The following BMERB1 variants were observed in gnomAD, a reference collection of about 807,000 sequenced individuals.
The protein encoded by BMERB1 is bMERB domain containing 1, also known as bMERB domain-containing protein 1.
A neutral mutation model predicts 23.6 loss-of-function variants in BMERB1; 12 were observed. The observed-to-expected ratio is 0.51, with a 90% CI of 0.33 to 0.82. BMERB1 has a LOEUF of 0.82. BMERB1 is among the 40% of genes least tolerant of loss of function. The pLI is 0.03. For synonymous variants in BMERB1, 122 were observed against 96.6 expected, an observed-to-expected ratio of 1.26 and a Z score of -1.54; for missense variants, 247 against 255.4, an observed-to-expected ratio of 0.97 and a Z score of 0.22.
At chr16:15,565,776 C>T (rs888516115) in intron 2 of BMERB1, among the ~76,000 whole-genome samples, 3 of 152,212 alleles carry the variant, frequency 2.0e-5, no homozygotes, top group Non-Finnish European at 2.9e-5. Flanking sequence ...GGGAAGATCA[C>T]TTGAGCCCAG....
At chr16:15,502,388 C>T (rs1172599789) in intron 1 of BMERB1, 2 of 1,545,318 alleles carry the variant, frequency 1.3e-6, no homozygotes, top group East Asian at 2.4e-5. Context: ...TATGATCGCT[C>T]TTGGGGGCCC....
chr16:15,490,313 A>C (rs946300652), intron 1 of BMERB1, among the ~76,000 whole-genome samples: 1 of 152,116 alleles, frequency 6.6e-6, no homozygotes, highest in Non-Finnish European at 1.5e-5. Flanking sequence ...TGGAGACAGG[A>C]TCTCTGTCAC....
intron 2 of BMERB1, among the ~76,000 whole-genome samples, chr16:15,538,305 TA>T (rs1392810137): frequency 1.3e-5 from 2 of 151,918 alleles, no homozygotes; most frequent in African/African-American, 4.8e-5. Flanking sequence ...ATACAAAAAT[TA>T]ACTGGGCATG....
At chr16:15,580,709 G>A (rs1255050969) in intron 3 of BMERB1, among the ~76,000 whole-genome samples, 2 of 151,624 alleles carry the variant, frequency 1.3e-5, no homozygotes, top group East Asian at 3.9e-4. Context: ...CACCACACCC[G>A]GCGAATTTTT....
At chr16:15,458,023 C>T (rs556371718) in intron 1 of BMERB1, among the ~76,000 whole-genome samples, 6 of 152,186 alleles carry the variant, frequency 3.9e-5, no homozygotes, top group Admixed American at 6.5e-5. Context: ...ATAGGGAAAA[C>T]CACCTCCATG....
intron 1 of BMERB1, among the ~76,000 whole-genome samples, chr16:15,506,587 C>G (rs1313399669): frequency 2.0e-5 from 3 of 152,086 alleles, no homozygotes; most frequent in African/African-American, 7.2e-5. Context: ...TACCAGATCA[C>G]TATATGTGGA....
At chr16:15,532,016 G>T (rs546315019) in intron 2 of BMERB1, among the ~76,000 whole-genome samples, 2 of 152,272 alleles carry the variant, frequency 1.3e-5, no homozygotes, top group African/African-American at 4.8e-5. Context: ...ACCCCCTTAA[G>T]GCAATATCCT....
intron 2 of BMERB1, among the ~76,000 whole-genome samples, chr16:15,527,325 C>T (rs1369335873): frequency 1.3e-5 from 2 of 152,242 alleles, no homozygotes; most frequent in African/African-American, 4.8e-5. Flanking sequence ...AGGAATCAGG[C>T]CAGGCGCTGT....
intron 2 of BMERB1, among the ~76,000 whole-genome samples, chr16:15,523,095 C>A (rs1239819624): frequency 6.6e-6 from 1 of 151,808 alleles, no homozygotes; most frequent in Non-Finnish European, 1.5e-5. Flanking sequence ...GGGAAGGTTT[C>A]CCCCTGGAGT....
rs952996949 is a variant in BMERB1 at position 15,491,086 on chromosome 16, G to A, written c.107-24219G>A. 5.3e-5 allele frequency among the ~76,000 whole-genome samples: 8 copies of A among 152,302 alleles called. 1 individual carries two copies. In the East Asian group the frequency reaches 1.4e-3, roughly 26 times the overall value. On this transcript the variant is annotated intron_variant, in intron 1 of 5. Coordinates refer to ENST00000300006, the MANE Select transcript of BMERB1 (RefSeq NM_033201.3). ...GCTGGTCTCGAACTCCTGAGCTCAAGTAATCTTCCCGCCTCGGCCTCCCAA... is the reference window on the plus strand; with the variant it reads ...GCTGGTCTCGAACTCCTGAGCTCAAATAATCTTCCCGCCTCGGCCTCCCAA...
At chr16:15,544,770 T>C (rs2052116562) in intron 2 of BMERB1, among the ~76,000 whole-genome samples, 1 of 152,190 alleles carries the variant, frequency 6.6e-6, no homozygotes, top group East Asian at 1.9e-4. Context: ...CCCCATTTCC[T>C]AGCTCATATG....
In BMERB1 at chr16:15,587,592, G is replaced by A. The variant is rs1367641098; in HGVS notation, c.*763G>A. 2.2e-6 allele frequency: 1 copy of A among 450,248 alleles called. No homozygotes were observed. Among genetic ancestry groups the A allele is most frequent in the South Asian group, 1.6e-5 (1 of 64,016 alleles). 27.9% of individuals were successfully genotyped at this position (450,248 alleles called of 1,614,324 possible). A position where few individuals can be genotyped will look rare whatever the true frequency, so the allele number is the denominator to read the frequency against. On this transcript the variant is annotated 3_prime_UTR_variant, in exon 6 of 6. Transcript: ENST00000300006. ...ACCGGAAGCTCTGATGTCAAGGCCA[G>A]AGCAGTTGAGAATGGGACCCAGAGT...
At chr16:15,441,901 G>A (rs1169139363) in intron 1 of BMERB1, among the ~76,000 whole-genome samples, 3 of 152,172 alleles carry the variant, frequency 2.0e-5, no homozygotes, top group African/African-American at 7.2e-5. Flanking sequence ...ATCAATGCAA[G>A]CAGCATTTGA....
intron 2 of BMERB1, among the ~76,000 whole-genome samples, chr16:15,553,259 C>T (rs1325110865): frequency 2.6e-5 from 4 of 152,208 alleles, no homozygotes; most frequent in Non-Finnish European, 4.4e-5. Context: ...CCACCTGCCT[C>T]GGCCTCCCGA....
chr16:15,515,611 C>G (rs531561757), intron 2 of BMERB1, among the ~76,000 whole-genome samples, 183 bp downstream of exon 2: 4 of 152,178 alleles, frequency 2.6e-5, no homozygotes, highest in Non-Finnish European at 5.9e-5. Flanking sequence ...CTGTTTTAAG[C>G]AAGACCCTGA....
intron 1 of BMERB1, among the ~76,000 whole-genome samples, chr16:15,449,339 G>A (rs117700679): frequency 6.6e-6 from 1 of 152,254 alleles, no homozygotes; most frequent in East Asian, 1.9e-4. Context: ...TGGACACAAA[G>A]GTGGGAACAG....
intron 1 of BMERB1, among the ~76,000 whole-genome samples, chr16:15,452,331 G>GGAGAGAGGAAGGGA (rs532543517): frequency 7.5e-6 from 1 of 132,880 alleles, no homozygotes; most frequent in Non-Finnish European, 1.6e-5. Context: ...AGGGAGGGAG[G>GGAGAGAGGAAGGGA]GAGAGAGAGA....
chr16:15,445,975 A>G (rs2050985332), intron 1 of BMERB1, among the ~76,000 whole-genome samples: 1 of 152,230 alleles, frequency 6.6e-6, no homozygotes, highest in Non-Finnish European at 1.5e-5. Flanking sequence ...ATGCTGAGTG[A>G]AAGAAGCAAG....
intron 2 of BMERB1, among the ~76,000 whole-genome samples, chr16:15,541,905 ATTTTTTTT>A (rs35159147): frequency 2.0e-4 from 22 of 110,060 alleles, no homozygotes; most frequent in African/African-American, 5.5e-4. Flanking sequence ...CCCGGCCTAA[ATTTTTTTT>A]TTTTTTTTTT....
Sources: gnomAD v4.1 joint callset for allele counts (sites outside exome capture counted in the v4.1 genomes callset) on GRCh38, gnomAD v4.1.1 for gene constraint, MANE v1.5 for transcripts, NCBI Gene and HGNC (gene_info 2026-07-23, HGNC 2026-07-21) for gene names.